KCNQ5: variants seen among roughly 807,000 people sequenced by gnomAD.
KCNQ5 encodes the protein potassium voltage-gated channel subfamily Q member 5.
KCNQ5 carries 30 observed loss-of-function variants against 98.2 expected under a neutral mutation model. That is an observed-to-expected ratio of 0.31 (90% CI 0.23 to 0.41). The LOEUF (loss-of-function observed/expected upper bound fraction) is 0.41. Among genes scored for constraint, KCNQ5 ranks in the 10% least tolerant of loss-of-function variants. KCNQ5 has a pLI of 1.00. For synonymous variants in KCNQ5, 458 were observed against 449.4 expected (o/e 1.02, Z -0.24); for missense variants, 835 against 1,182.5 (o/e 0.71, Z 4.31).
At chr6:72,891,364 C>T (rs371863097) in intron 1 of KCNQ5, among the ~76,000 whole-genome samples, 3 of 152,116 alleles carry the variant, frequency 2.0e-5, no homozygotes, top group Non-Finnish European at 4.4e-5. Context: ...GATGAACATA[C>T]TCAAAAAGTG....
intron 11 of KCNQ5, among the ~76,000 whole-genome samples, chr6:73,187,306 G>A (rs59789863): frequency 0.028 from 4,310 of 152,102 alleles, 89 homozygotes; most frequent in East Asian, 0.068. Context: ...TGATCCACCC[G>A]CCTCGGCCTC....
At chr6:73,081,965 C>A (rs1582318605) in intron 5 of KCNQ5, among the ~76,000 whole-genome samples, 1 of 152,232 alleles carries the variant, frequency 6.6e-6, no homozygotes, top group Non-Finnish European at 1.5e-5. Context: ...ATAATTACAA[C>A]TTTATGCCAA....
chr6:73,000,142 G>A (rs183022632), intron 1 of KCNQ5, among the ~76,000 whole-genome samples: 30 of 152,110 alleles, frequency 2.0e-4, no homozygotes, highest in African/African-American at 7.0e-4. Flanking sequence ...GCATACATGC[G>A]CACAGGATCC....
chr6:72,800,699 T>A lies in KCNQ5; in HGVS notation c.398+178112T>A, dbSNP rs574401539. Reference sequence around the variant, plus strand: ...AATGTGTTTGCTCTTGCTTTTCTAGTTCTTTTAATTGTGATGTTAGGGTGT... The same window carrying A: ...AATGTGTTTGCTCTTGCTTTTCTAGATCTTTTAATTGTGATGTTAGGGTGT... On this transcript the variant is annotated intron_variant, in intron 1 of 13. Coordinates refer to ENST00000370398, the MANE Select transcript of KCNQ5 (RefSeq NM_019842.4). Among the ~76,000 whole-genome samples, 151 of 152,340 alleles carry A rather than the reference T, an allele frequency of 9.9e-4. No individual in the cohort carries two copies. In the Middle Eastern group the frequency reaches 0.01, roughly 10 times the overall value.
intron 1 of KCNQ5, among the ~76,000 whole-genome samples, chr6:72,868,176 G>A (rs1034892472): frequency 5.9e-5 from 9 of 152,248 alleles, no homozygotes; most frequent in Admixed American, 5.2e-4. Context: ...CTATGGCCAA[G>A]CACTGTGGCT....
chr6:73,053,353 A>G (rs545655515), intron 3 of KCNQ5, among the ~76,000 whole-genome samples: 17 of 152,308 alleles, frequency 1.1e-4, no homozygotes, highest in Non-Finnish European at 1.9e-4. Context: ...GCAGAAAACT[A>G]ACAAAGAAAT....
intron 1 of KCNQ5, among the ~76,000 whole-genome samples, chr6:72,973,949 C>A (rs1768026939): frequency 6.6e-6 from 1 of 152,062 alleles, no homozygotes; most frequent in Admixed American, 6.5e-5. Context: ...GAATGATAAC[C>A]TTTAAATTCA....
intron 1 of KCNQ5, among the ~76,000 whole-genome samples, chr6:72,982,111 C>A (rs1015693000): frequency 2.6e-5 from 4 of 152,200 alleles, no homozygotes; most frequent in African/African-American, 9.6e-5. Context: ...TGATGTGGTG[C>A]TGAGAAGAAT....
chr6:73,051,705 C>CAAAAAAAAAAAAAAAAAAAAAAAA (rs201199934), intron 3 of KCNQ5, among the ~76,000 whole-genome samples: 6 of 97,178 alleles, frequency 6.2e-5, no homozygotes, highest in African/African-American at 2.1e-4. Context: ...AAGATAGAGG[C>CAAAAAAAAAAAAAAAAAAAAAAAA]AAAAAAAAAA....
intron 5 of KCNQ5, among the ~76,000 whole-genome samples, chr6:73,086,869 G>A (rs909355874): frequency 1.3e-5 from 2 of 152,152 alleles, no homozygotes; most frequent in African/African-American, 4.8e-5. Flanking sequence ...AGACCTGAAG[G>A]ATGAAAAGGA....
At chr6:72,934,050 A>G (rs1379899115) in intron 1 of KCNQ5, among the ~76,000 whole-genome samples, 1 of 152,238 alleles carries the variant, frequency 6.6e-6, no homozygotes, top group African/African-American at 2.4e-5. Context: ...ACAAAGGGAG[A>G]TGCTATCTGT....
chr6:73,129,222 C>A (rs1019049300), intron 9 of KCNQ5, among the ~76,000 whole-genome samples: 1 of 152,212 alleles, frequency 6.6e-6, no homozygotes, highest in Non-Finnish European at 1.5e-5. Flanking sequence ...CGGATTTAGT[C>A]TTCTAACAAC....
At chr6:72,941,542 CCTTTCCTT>C (rs1228233265) in intron 1 of KCNQ5, among the ~76,000 whole-genome samples, 1 of 71,278 alleles carries the variant, frequency 1.4e-5, no homozygotes, top group Admixed American at 1.7e-4. Context: ...TTCCCTCCTT[CCTTTCCTT>C]CTTCCCTCCC....
chr6:73,039,540 A>AT (rs1294687755), intron 2 of KCNQ5, among the ~76,000 whole-genome samples: 1 of 152,124 alleles, frequency 6.6e-6, no homozygotes, highest in Non-Finnish European at 1.5e-5. Flanking sequence ...ATTCAGTTCA[A>AT]TTTTTTAAAA....
intron 2 of KCNQ5, among the ~76,000 whole-genome samples, chr6:73,006,505 T>G (rs1769820266): frequency 6.6e-6 from 1 of 151,846 alleles, no homozygotes; most frequent in Non-Finnish European, 1.5e-5. Context: ...ACACAAAAAT[T>G]ATCTGGGTGT....
chr6:73,121,177 C>T lies in KCNQ5; in HGVS notation c.1220+600C>T, dbSNP rs184917320. On this transcript the variant is annotated intron_variant, in intron 8 of 13. Transcript: ENST00000370398. ...CATTCACAATTTTAAAGTAAGACTACTTTTCTTCACATTTCATTGGCCAAA... is the reference window on the plus strand; with the variant it reads ...CATTCACAATTTTAAAGTAAGACTATTTTTCTTCACATTTCATTGGCCAAA... Among the ~76,000 whole-genome samples the T allele has an allele frequency of 1.7e-4, 26 of 152,290 alleles. No individual in the cohort carries two copies. The East Asian group carries it at 4.6e-3, about 27-fold the overall frequency.
intron 1 of KCNQ5, among the ~76,000 whole-genome samples, chr6:72,809,905 C>T (rs1004676136): frequency 5.9e-5 from 9 of 152,262 alleles, no homozygotes; most frequent in Admixed American, 2.0e-4. Context: ...CACAAAATAC[C>T]TCTTCCAGGG....
At chr6:73,192,761 G>T in intron 13 of KCNQ5, 70 bp downstream of exon 13, 1 of 1,265,248 alleles carries the variant, frequency 7.9e-7, no homozygotes, top group Non-Finnish European at 1.1e-6. Context: ...ATAGGCAATT[G>T]TATGTATTCC....
chr6:73,191,321 C>CT (rs149887005), intron 12 of KCNQ5, among the ~76,000 whole-genome samples: 4,261 of 152,210 alleles, frequency 0.028, 187 homozygotes, highest in African/African-American at 0.097. Context: ...TTGCTCTGGA[C>CT]TAAGACTGAG....
Sources: allele counts gnomAD v4.1 joint callset (sites outside exome capture counted in the v4.1 genomes callset), GRCh38; gene constraint gnomAD v4.1.1; transcripts MANE v1.5; gene names NCBI Gene and HGNC (gene_info 2026-07-23, HGNC 2026-07-21).